GGACT: variants seen among roughly 807,000 people sequenced by gnomAD.
GGACT encodes the protein gamma-glutamylaminecyclotransferase.
For synonymous variants in GGACT, 118 were observed against 115.3 expected, an observed-to-expected ratio of 1.02 and a Z score of -0.15; for missense variants, 241 against 233.2, an observed-to-expected ratio of 1.03 and a Z score of -0.22.
At chr13:100,572,179 A>G (rs1169132208) in intron 2 of GGACT, among the ~76,000 whole-genome samples, 2 of 152,246 alleles carry the variant, frequency 1.3e-5, no homozygotes, top group African/African-American at 4.8e-5. Flanking sequence ...AATGTGGGGT[A>G]TACACACAAT....
chr13:100,530,267 A>G lies in GGACT; in HGVS notation c.*1863T>C. 1 of 943,944 alleles carries G rather than the reference A, an allele frequency of 1.1e-6. No homozygotes were observed. Among genetic ancestry groups the G allele is most frequent in the Non-Finnish European group, 1.7e-6 (1 of 582,680 alleles). The allele number at this position is 943,944 out of a possible 1,614,324, so 58.5% of individuals were successfully genotyped here. A position where few individuals can be genotyped will look rare whatever the true frequency, so the allele number is the denominator to read the frequency against. Reference sequence around the variant, plus strand: ...GCATTATACAGGAACACCCCTGTGCAGCTACGTTTACGTCGTCATTTATTC... The same window carrying G: ...GCATTATACAGGAACACCCCTGTGCGGCTACGTTTACGTCGTCATTTATTC... On this transcript the variant is annotated 3_prime_UTR_variant, in exon 3 of 3. Transcript: ENST00000683975.
At chr13:100,574,877 TAA>T (rs912653499) in intron 2 of GGACT, among the ~76,000 whole-genome samples, 3 of 148,362 alleles carry the variant, frequency 2.0e-5, no homozygotes, top group African/African-American at 7.4e-5. Context: ...TTATGTGTAT[TAA>T]AAAAAAAAGA....
chr13:100,556,854 C>G (rs903785046), intron 2 of GGACT, among the ~76,000 whole-genome samples: 2 of 152,190 alleles, frequency 1.3e-5, no homozygotes, highest in Non-Finnish European at 2.9e-5. Context: ...ATAGCCAAAA[C>G]AACACTGAAA....
At chr13:100,544,377 C>T (rs1037978682) in intron 2 of GGACT, among the ~76,000 whole-genome samples, 5 of 152,238 alleles carry the variant, frequency 3.3e-5, no homozygotes, top group East Asian at 1.9e-4. Context: ...AGGGAGGGCT[C>T]GGGCCGCATC....
intron 2 of GGACT, among the ~76,000 whole-genome samples, chr13:100,549,344 TA>T (rs1207308431): frequency 6.6e-6 from 1 of 152,150 alleles, no homozygotes; most frequent in Non-Finnish European, 1.5e-5. Context: ...TCTCAATAAA[TA>T]AATAAATCAA....
chr13:100,558,358 T>C (rs2088728077), intron 2 of GGACT, among the ~76,000 whole-genome samples: 1 of 152,088 alleles, frequency 6.6e-6, no homozygotes, highest in African/African-American at 2.4e-5. Flanking sequence ...AGATTTAAAC[T>C]GACACTTTAC....
At chr13:100,544,079 G>A (rs1268604282) in intron 2 of GGACT, among the ~76,000 whole-genome samples, 1 of 152,212 alleles carries the variant, frequency 6.6e-6, no homozygotes, top group Non-Finnish European at 1.5e-5. Flanking sequence ...AGAGTCACAT[G>A]CGATGTTGTG....
At chr13:100,570,763 A>C (rs970773547) in intron 2 of GGACT, among the ~76,000 whole-genome samples, 2 of 152,166 alleles carry the variant, frequency 1.3e-5, no homozygotes, top group Non-Finnish European at 2.9e-5. Flanking sequence ...ACCCAGTCTC[A>C]GGTATGTCTT....
rs1594178730 is a variant in GGACT, at chr13:100,531,941, T to G, written c.*189A>C. ...AAATTTTTCTTACCAGGTAGAAAGA[T>G]GGGAGGGAAGCACCTTGCTATTCGT... On this transcript the variant is annotated 3_prime_UTR_variant, in exon 3 of 3. Coordinates refer to ENST00000683975, the MANE Select transcript of GGACT (RefSeq NM_001195087.2). 1 of 430,114 alleles carries G rather than the reference T, an allele frequency of 2.3e-6. No individual in the cohort carries two copies. Among genetic ancestry groups the G allele is most frequent in the East Asian group, 3.4e-5 (1 of 29,372 alleles). The allele number at this position is 430,114 out of a possible 1,614,324, so 26.6% of individuals were successfully genotyped here.
At position 100,532,940 on chromosome 13, in the gene GGACT, T is replaced by A. The variant is rs374310538; in HGVS notation, c.-10-339A>T. Among the ~76,000 whole-genome samples, 226 of 152,318 alleles carry A rather than the reference T, an allele frequency of 1.5e-3. 1 individual carries two copies. The highest frequency in any genetic ancestry group is 5.1e-3 in the African/African-American group (212 of 41,570). ...GAGAAAGGGGCACACATTGGTGACTTCCTTGATGTGTCTGTAGCAGACAGG... is the reference window on the plus strand; with the variant it reads ...GAGAAAGGGGCACACATTGGTGACTACCTTGATGTGTCTGTAGCAGACAGG... On this transcript the variant is annotated intron_variant, in intron 2 of 2. Coordinates refer to ENST00000683975, the MANE Select transcript of GGACT (RefSeq NM_001195087.2).
At chr13:100,556,904 T>C (rs896201028) in intron 2 of GGACT, among the ~76,000 whole-genome samples, 4 of 152,318 alleles carry the variant, frequency 2.6e-5, no homozygotes, top group African/African-American at 9.6e-5. Context: ...GGTGGAGTCT[T>C]GCTCTGTTGC....
rs546853807 is a variant in GGACT, at chr13:100,545,093, C to T, written c.-10-12492G>A. 3.3e-5 allele frequency among the ~76,000 whole-genome samples: 5 copies of T among 152,328 alleles called. No individual in the cohort carries two copies. Among genetic ancestry groups the T allele is most frequent in the East Asian group, 1.9e-4 (1 of 5,168 alleles). On this transcript the variant is annotated intron_variant, in intron 2 of 2. Coordinates refer to ENST00000683975, the MANE Select transcript of GGACT (RefSeq NM_001195087.2). The surrounding 1 kb of genome is among the most constrained non-coding windows in gnomAD (Gnocchi z 4.4). Reference sequence around the variant, plus strand: ...GCCAGCGGCCCAACACTGGAGATGCCGTCAACCTCGTCACACAGGGCCAAC... The same window carrying T: ...GCCAGCGGCCCAACACTGGAGATGCTGTCAACCTCGTCACACAGGGCCAAC...
rs184849052 is a variant in GGACT, at chr13:100,553,939, C to T, written c.-10-21338G>A. On this transcript the variant is annotated intron_variant, in intron 2 of 2. Coordinates refer to ENST00000683975, the MANE Select transcript of GGACT (RefSeq NM_001195087.2). ...CCACAGGAATCTTGCACTCTTCTAA[C>T]GTATGGTATACTTTCATAAAATGTA... 2.8e-3 allele frequency among the ~76,000 whole-genome samples: 429 copies of T among 151,136 alleles called. 4 individuals are homozygous for T. Among genetic ancestry groups the T allele is most frequent in the Admixed American group, 4.7e-3 (71 of 15,182 alleles).
At chr13:100,587,667 T>G (rs1875620507) in intron 1 of GGACT, among the ~76,000 whole-genome samples, 1 of 152,192 alleles carries the variant, frequency 6.6e-6, no homozygotes, top group Admixed American at 6.5e-5. Context: ...TTTAAATAGG[T>G]CACCTTTAGT....
chr13:100,543,168 T>C (rs1390593974), intron 2 of GGACT, among the ~76,000 whole-genome samples: 2 of 145,462 alleles, frequency 1.4e-5, no homozygotes, highest in Admixed American at 1.4e-4. Flanking sequence ...CTTAAACTAA[T>C]TTACAAAAGG....
intron 2 of GGACT, among the ~76,000 whole-genome samples, chr13:100,550,109 GCA>G (rs2088643624): frequency 1.3e-5 from 2 of 152,220 alleles, no homozygotes; most frequent in Admixed American, 1.3e-4. Context: ...TACAGCCCCT[GCA>G]CAGAGTGGGT....
At chr13:100,550,312 A>T (rs1194046378) in intron 2 of GGACT, among the ~76,000 whole-genome samples, 1 of 31,058 alleles carries the variant, frequency 3.2e-5, no homozygotes, top group Non-Finnish European at 7.3e-5. Context: ...ACACACACAC[A>T]CACACACACA....
chr13:100,571,381 A>C (rs1369344934), intron 2 of GGACT, among the ~76,000 whole-genome samples: 1 of 152,276 alleles, frequency 6.6e-6, no homozygotes, highest in African/African-American at 2.4e-5. Context: ...TAGAAGTGCC[A>C]TTCTTTGATA....
intron 2 of GGACT, among the ~76,000 whole-genome samples, chr13:100,564,490 C>A (rs917636699): frequency 6.6e-6 from 1 of 152,152 alleles, no homozygotes; most frequent in Non-Finnish European, 1.5e-5. Flanking sequence ...CCAAGTTATA[C>A]AAAAAGGAAA....
Sources: allele counts gnomAD v4.1 joint callset (sites outside exome capture counted in the v4.1 genomes callset), GRCh38; gene constraint gnomAD v4.1.1; non-coding constraint Gnocchi (gnomAD v3.1); transcripts MANE v1.5; gene names NCBI Gene and HGNC (gene_info 2026-07-23, HGNC 2026-07-21).